Variants in AGBL1 observed in about 807,000 individuals in gnomAD.
AGBL1 encodes the protein cytosolic carboxypeptidase 4.
Under a neutral mutation model 118.9 loss-of-function variants are expected in AGBL1, and 130 were observed. That is an observed-to-expected ratio of 1.09 (90% CI 0.95 to 1.26). The LOEUF (loss-of-function observed/expected upper bound fraction) is 1.26. Ranked by LOEUF, AGBL1 falls within the 50% of genes most tolerant of loss-of-function variation. The pLI, the probability that AGBL1 is intolerant of heterozygous loss-of-function variation, is 0.00. For missense variants in AGBL1, 1,584 were observed against 1,298.1 expected (o/e 1.22, Z -3.38); for synonymous variants, 555 against 478.9 (o/e 1.16, Z -2.08).
At chr15:86,632,871 T>G (rs1427062228) in intron 21 of AGBL1, among the ~76,000 whole-genome samples, 1 of 152,216 alleles carries the variant, frequency 6.6e-6, no homozygotes, top group Non-Finnish European at 1.5e-5. Context: ...CTTACCTTTC[T>G]TGTCATTATG....
intron 22 of AGBL1, among the ~76,000 whole-genome samples, chr15:86,849,047 C>G (rs145728619): frequency 6.6e-6 from 1 of 152,220 alleles, no homozygotes. Flanking sequence ...CCTCTGGATC[C>G]AATGCTCAGT....
intron 22 of AGBL1, among the ~76,000 whole-genome samples, chr15:86,804,824 C>A (rs922988486): frequency 6.6e-6 from 1 of 152,060 alleles, no homozygotes; most frequent in Non-Finnish European, 1.5e-5. Flanking sequence ...GTCTAAATAC[C>A]AAAGTTTCTT....
chr15:86,141,295 G>T (rs2141643625), intron 1 of AGBL1, among the ~76,000 whole-genome samples: 1 of 152,324 alleles, frequency 6.6e-6, no homozygotes. Flanking sequence ...GTTCATTCTT[G>T]TCAGTCAGGG....
chr15:86,574,365 A>T (rs1341021825), intron 21 of AGBL1, among the ~76,000 whole-genome samples: 3 of 152,060 alleles, frequency 2.0e-5, no homozygotes, highest in South Asian at 2.1e-4. Flanking sequence ...AGGTGGAAGG[A>T]TGGTTGGCTT....
intron 5 of AGBL1, among the ~76,000 whole-genome samples, chr15:86,193,524 C>T (rs1476552910): frequency 6.6e-6 from 1 of 152,162 alleles, no homozygotes; most frequent in Non-Finnish European, 1.5e-5. Context: ...AACCACCTCT[C>T]CACTCTTTGT....
intron 22 of AGBL1, among the ~76,000 whole-genome samples, chr15:86,772,765 C>A (rs1388728745): frequency 6.6e-6 from 1 of 151,990 alleles, no homozygotes; most frequent in Middle Eastern, 3.2e-3. Context: ...TTGTAATCAG[C>A]AATCCTGATA....
At chr15:86,264,870 T>C in intron 11 of AGBL1, 32 bp downstream of exon 11, 2 of 1,505,450 alleles carry the variant, frequency 1.3e-6, no homozygotes. Context: ...GAGCTCTTTT[T>C]TTCTGTTCTT....
chr15:86,861,271 G>A (rs998522135), intron 22 of AGBL1, among the ~76,000 whole-genome samples: 1 of 152,060 alleles, frequency 6.6e-6, no homozygotes, highest in African/African-American at 2.4e-5. Flanking sequence ...AAGCAAAAGT[G>A]AACTAGATAT....
intron 22 of AGBL1, among the ~76,000 whole-genome samples, chr15:86,849,454 A>T (rs2079369681): frequency 6.6e-6 from 1 of 151,274 alleles, no homozygotes; most frequent in Admixed American, 6.6e-5. Context: ...ATTGAATCTG[A>T]GGGCATTTGC....
chr15:86,178,053 C>T (rs888068378), intron 5 of AGBL1, among the ~76,000 whole-genome samples: 1 of 152,226 alleles, frequency 6.6e-6, no homozygotes, highest in African/African-American at 2.4e-5. Flanking sequence ...GTGGTTCACA[C>T]CTGTAATCCC....
At chr15:86,818,964 A>G (rs1222691518) in intron 22 of AGBL1, among the ~76,000 whole-genome samples, 2 of 152,174 alleles carry the variant, frequency 1.3e-5, no homozygotes, top group Non-Finnish European at 2.9e-5. Flanking sequence ...AGTGCCTTTT[A>G]GTGCTCAATA....
chr15:86,228,818 C>T (rs183443568), intron 6 of AGBL1, among the ~76,000 whole-genome samples: 2 of 152,192 alleles, frequency 1.3e-5, no homozygotes, highest in Admixed American at 6.5e-5. Flanking sequence ...TCTTTCTGGG[C>T]AATAGCAGGC....
intron 19 of AGBL1, among the ~76,000 whole-genome samples, chr15:86,528,408 A>G (rs1430620108): frequency 1.3e-5 from 2 of 152,120 alleles, no homozygotes; most frequent in Admixed American, 6.5e-5. Flanking sequence ...ACCTGCTTAA[A>G]AAACGGCGCA....
At chr15:86,403,597 C>A (rs2081479541) in intron 18 of AGBL1, among the ~76,000 whole-genome samples, 1 of 152,222 alleles carries the variant, frequency 6.6e-6, no homozygotes, top group African/African-American at 2.4e-5. Context: ...TATTCAGCAC[C>A]TTTTATGGGC....
chr15:86,478,702 T>C (rs572597092), intron 18 of AGBL1, among the ~76,000 whole-genome samples: 121 of 152,264 alleles, frequency 7.9e-4, no homozygotes, highest in African/African-American at 2.9e-3. Context: ...AAGCTACCAA[T>C]GACTTTCTTC....
At chr15:86,758,176 C>A (rs1284087410) in intron 22 of AGBL1, among the ~76,000 whole-genome samples, 1 of 152,100 alleles carries the variant, frequency 6.6e-6, no homozygotes, top group Non-Finnish European at 1.5e-5. Context: ...CCTTCCCCTG[C>A]CACATGTGAT....
At chr15:86,762,137 A>G (rs756357430) in intron 22 of AGBL1, among the ~76,000 whole-genome samples, 1 of 152,102 alleles carries the variant, frequency 6.6e-6, no homozygotes, top group Non-Finnish European at 1.5e-5. Context: ...CAAACACTGC[A>G]TATTCTAACT....
At chr15:86,285,110 C>T (rs1416205809) in intron 16 of AGBL1, among the ~76,000 whole-genome samples, 1 of 152,076 alleles carries the variant, frequency 6.6e-6, no homozygotes, top group Non-Finnish European at 1.5e-5. Context: ...GATGGGAGAT[C>T]ATTTTTAGGA....
intron 22 of AGBL1, among the ~76,000 whole-genome samples, chr15:86,745,998 C>T (rs1053603909): frequency 1.3e-5 from 2 of 152,024 alleles, no homozygotes; most frequent in Non-Finnish European, 2.9e-5. Flanking sequence ...TGCTAAGAAG[C>T]CAGGGCAGTG....
Sources: allele counts gnomAD v4.1 joint callset (sites outside exome capture counted in the v4.1 genomes callset), GRCh38; gene constraint gnomAD v4.1.1; transcripts MANE v1.5; gene names NCBI Gene and HGNC (gene_info 2026-07-23, HGNC 2026-07-21).